The following STAT4 variants were observed in gnomAD, a reference collection of about 807,000 sequenced individuals.
STAT4 encodes the protein signal transducer and activator of transcription 4.
STAT4 carries 42 observed loss-of-function variants against 110.5 expected under a neutral mutation model. That is an observed-to-expected ratio of 0.38 (90% CI 0.30 to 0.49). STAT4 has a LOEUF of 0.49. STAT4 is among the 20% of genes least tolerant of loss of function. STAT4 has a pLI of 0.95. For missense variants in STAT4, 632 were observed against 887.9 expected (o/e 0.71, Z 3.66); for synonymous variants, 284 against 302.2 (o/e 0.94, Z 0.63).
At chr2:191,093,128 A>G (rs1451846702) in intron 3 of STAT4, among the ~76,000 whole-genome samples, 3 of 152,206 alleles carry the variant, frequency 2.0e-5, no homozygotes, top group African/African-American at 7.2e-5. Flanking sequence ...GGCGTAGATG[A>G]ACAAAAGGCA....
intron 3 of STAT4, among the ~76,000 whole-genome samples, chr2:191,125,627 A>G (rs987905212): frequency 2.0e-5 from 3 of 151,864 alleles, no homozygotes; most frequent in Non-Finnish European, 4.4e-5. Flanking sequence ...AGGTAGTACT[A>G]CAGGTGTACG....
chr2:191,059,196 A>T lies in STAT4; in HGVS notation c.1035-427T>A, dbSNP rs1696783992. Reference sequence around the variant, plus strand: ...CTTTAATGATAAGTGTTTTATGGTGAACATACTAAGACAGAACTGTAGTAA... The same window carrying T: ...CTTTAATGATAAGTGTTTTATGGTGTACATACTAAGACAGAACTGTAGTAA... On this transcript the variant is annotated intron_variant, in intron 10 of 23. Coordinates refer to ENST00000392320, the MANE Select transcript of STAT4 (RefSeq NM_003151.4). The surrounding 1 kb of genome is among the most constrained non-coding windows in gnomAD (Gnocchi z 4.7). Among the ~76,000 whole-genome samples, 1 of 152,240 alleles carries T rather than the reference A, an allele frequency of 6.6e-6. No homozygotes were observed. Among genetic ancestry groups the T allele is most frequent in the Admixed American group, 6.5e-5 (1 of 15,286 alleles).
Position 191,107,008 on chromosome 2 carries a change from A to G in STAT4, c.274-30683T>C, listed in dbSNP as rs115163257. On this transcript the variant is annotated intron_variant, in intron 3 of 23. Coordinates refer to ENST00000392320, the MANE Select transcript of STAT4 (RefSeq NM_003151.4). The surrounding 1 kb of genome is among the most constrained non-coding windows in gnomAD (Gnocchi z 4.2). ...TGTTTGGTGATACATTTGGATTGTCAGTCAAGTGATATTTGGACTTGATAG... is the reference window on the plus strand; with the variant it reads ...TGTTTGGTGATACATTTGGATTGTCGGTCAAGTGATATTTGGACTTGATAG... Among the ~76,000 whole-genome samples the G allele has an allele frequency of 5.2e-3, 793 of 152,342 alleles. 6 individuals are homozygous for G. The highest frequency in any genetic ancestry group is 0.018 in the African/African-American group (754 of 41,578).
intron 8 of STAT4, 85 bp from the exon 9 acceptor site, chr2:191,063,005 C>T: frequency 7.8e-6 from 8 of 1,022,990 alleles, no homozygotes; most frequent in East Asian, 2.9e-5. Context: ...AGTTAATAAA[C>T]ATTAAATTAT....
Position 191,053,885 on chromosome 2 carries a change from T to C in STAT4, c.1251+605A>G, listed in dbSNP as rs1029786406. On this transcript the variant is annotated intron_variant, in intron 14 of 23. Coordinates refer to ENST00000392320, the MANE Select transcript of STAT4 (RefSeq NM_003151.4). The surrounding 1 kb of genome is among the most constrained non-coding windows in gnomAD (Gnocchi z 4.5). ...GGCTCACGCCTATAATCCCAGCATT[T>C]TGGGAGACAAGGTGGGTGGATCACT... is the stretch of plus-strand genomic sequence containing the variant. Among the ~76,000 whole-genome samples, 6 of 152,110 alleles carry C rather than the reference T, an allele frequency of 3.9e-5. No homozygotes were observed. The South Asian group carries it at 1.2e-3, about 32-fold the overall frequency.
rs191766679 is a variant in STAT4, at chr2:191,132,914, C to T, written c.273+13699G>A. 2.9e-3 allele frequency among the ~76,000 whole-genome samples: 443 copies of T among 151,420 alleles called. 9 individuals are homozygous for T. Among genetic ancestry groups the T allele is most frequent in the East Asian group, 0.027 (142 of 5,168 alleles). Reference sequence around the variant, plus strand: ...AGACTGCAGGCGCCCGCCACCATGCCCGGCTAATTTTTTGTATTTTTAGTA... The same window carrying T: ...AGACTGCAGGCGCCCGCCACCATGCTCGGCTAATTTTTTGTATTTTTAGTA... On this transcript the variant is annotated intron_variant, in intron 3 of 23. Transcript: ENST00000392320.
intron 3 of STAT4, among the ~76,000 whole-genome samples, chr2:191,114,494 G>A (rs1164886423): frequency 6.6e-6 from 1 of 152,104 alleles, no homozygotes; most frequent in Non-Finnish European, 1.5e-5. Flanking sequence ...TTTTCTTACT[G>A]TTCTATTCTC....
At chr2:191,128,334 T>G (rs1191908499) in intron 3 of STAT4, among the ~76,000 whole-genome samples, 1 of 152,112 alleles carries the variant, frequency 6.6e-6, no homozygotes, top group Non-Finnish European at 1.5e-5. Flanking sequence ...GGTCATCTCT[T>G]TTTTTCTCTT....
chr2:191,137,329 C>T (rs752998226), intron 3 of STAT4, among the ~76,000 whole-genome samples: 56 of 151,376 alleles, frequency 3.7e-4, no homozygotes, highest in Non-Finnish European at 7.5e-4. Context: ...AAGGCTCCAT[C>T]TCAAAAAAAA....
chr2:191,095,692 C>A (rs1375125258), intron 3 of STAT4, among the ~76,000 whole-genome samples: 1 of 152,064 alleles, frequency 6.6e-6, no homozygotes, highest in East Asian at 1.9e-4. Flanking sequence ...CCTAACATCA[C>A]AATTAAAAGA....
At chr2:191,076,648 C>G (rs1017765675) in intron 3 of STAT4, among the ~76,000 whole-genome samples, 1 of 136,712 alleles carries the variant, frequency 7.3e-6, no homozygotes, top group East Asian at 2.1e-4. Flanking sequence ...CAGGTTTTTT[C>G]TTTTTTTTTT....
Position 191,142,001 on chromosome 2 carries a change from A to C in STAT4, c.273+4612T>G, listed in dbSNP as rs1349655277. ...TGTTGGTAGGAATGTAAATTAATACAACCAGTATGGAAATGTCTCAAAAAA... is the reference window on the plus strand; with the variant it reads ...TGTTGGTAGGAATGTAAATTAATACCACCAGTATGGAAATGTCTCAAAAAA... On this transcript the variant is annotated intron_variant, in intron 3 of 23. Transcript: ENST00000392320. The surrounding 1 kb of genome is among the most constrained non-coding windows in gnomAD (Gnocchi z 4.1). 6.6e-6 allele frequency among the ~76,000 whole-genome samples: 1 copy of C among 152,214 alleles called. No homozygotes were observed. The highest frequency in any genetic ancestry group is 1.5e-5 in the Non-Finnish European group (1 of 68,032).
intron 15 of STAT4, among the ~76,000 whole-genome samples, chr2:191,040,830 C>G (rs774813398): frequency 1.3e-5 from 2 of 152,194 alleles, no homozygotes; most frequent in Non-Finnish European, 2.9e-5. Flanking sequence ...TACCAAAGTG[C>G]TGGGATTACA....
At position 191,060,977 on chromosome 2, in the gene STAT4, AG is replaced by A. The variant is rs1696833236; in HGVS notation, c.1034+751del. On this transcript the variant is annotated intron_variant, in intron 10 of 23. Transcript: ENST00000392320. The surrounding 1 kb of genome is among the most constrained non-coding windows in gnomAD (Gnocchi z 4.5). ...TTAGTCTGTGGTTTCAGCTTTCCAG[AG>A]GTGACCTAGTGATTAGGCCTTTAAA... Among the ~76,000 whole-genome samples the A allele has an allele frequency of 6.6e-6, 1 of 152,178 alleles. No homozygotes were observed. The highest frequency in any genetic ancestry group is 1.5e-5 in the Non-Finnish European group (1 of 68,024).
In STAT4 at chr2:191,035,040, A is replaced by T. The variant is rs1696006734; in HGVS notation, c.1571-443T>A. The stretch of plus-strand genomic sequence containing the variant: ...GTTAGGTATAGCTAGATTACCAGGA[A>T]TGTTGCCTATTAAGATGGAAAGAAT... On this transcript the variant is annotated intron_variant, in intron 17 of 23. Coordinates refer to ENST00000392320, the MANE Select transcript of STAT4 (RefSeq NM_003151.4). The surrounding 1 kb of genome is among the most constrained non-coding windows in gnomAD (Gnocchi z 4.7). Among the ~76,000 whole-genome samples, 1 of 152,228 alleles carries T rather than the reference A, an allele frequency of 6.6e-6. No individual in the cohort carries two copies. Among genetic ancestry groups the T allele is most frequent in the Non-Finnish European group, 1.5e-5 (1 of 68,032 alleles).
At position 191,099,208 on chromosome 2, in the gene STAT4, A is replaced by G. The variant is rs114164924; in HGVS notation, c.274-22883T>C. 3.8e-3 allele frequency among the ~76,000 whole-genome samples: 577 copies of G among 152,216 alleles called. 2 individuals are homozygous for G. Among genetic ancestry groups the G allele is most frequent in the African/African-American group, 0.012 (506 of 41,566 alleles). On this transcript the variant is annotated intron_variant, in intron 3 of 23. Transcript: ENST00000392320. This position sits in a 1 kb window ranked among gnomAD's most constrained non-coding sequence, Gnocchi z 4.1. ...AGGTTGACAAAAATAAAAAAGAATG[A>G]TAATATCTATTGTTAATGAAGATAT...
intron 4 of STAT4, among the ~76,000 whole-genome samples, chr2:191,073,668 C>A (rs1055774216): frequency 1.3e-5 from 2 of 150,946 alleles, no homozygotes; most frequent in African/African-American, 4.9e-5. Context: ...CCAGCCTGGG[C>A]GACAGAGCGA....
At chr2:191,055,096 A>G (rs576309976) in intron 13 of STAT4, among the ~76,000 whole-genome samples, 313 of 152,360 alleles carry the variant, frequency 2.1e-3, no homozygotes, top group African/African-American at 6.9e-3. Flanking sequence ...CTTTTAAAAT[A>G]CATATATAAT....
rs1482560001 is a variant in STAT4, at chr2:191,083,927, C to T, written c.274-7602G>A. On this transcript the variant is annotated intron_variant, in intron 3 of 23. Coordinates refer to ENST00000392320, the MANE Select transcript of STAT4 (RefSeq NM_003151.4). The surrounding 1 kb of genome is among the most constrained non-coding windows in gnomAD (Gnocchi z 4.6). ...AACAGCAATGTCTTCAGAATTTAGACATTTGGCCTAAATTAGTCCGTCTTT... is the reference window on the plus strand; with the variant it reads ...AACAGCAATGTCTTCAGAATTTAGATATTTGGCCTAAATTAGTCCGTCTTT... Among the ~76,000 whole-genome samples the T allele has an allele frequency of 6.6e-6, 1 of 152,100 alleles. No individual in the cohort carries two copies. The highest frequency in any genetic ancestry group is 2.4e-5 in the African/African-American group (1 of 41,400).
Sources: allele counts gnomAD v4.1 joint callset (sites outside exome capture counted in the v4.1 genomes callset), GRCh38; gene constraint gnomAD v4.1.1; non-coding constraint Gnocchi (gnomAD v3.1); transcripts MANE v1.5; gene names NCBI Gene and HGNC (gene_info 2026-07-23, HGNC 2026-07-21).